COMMD10: variants seen among roughly 807,000 people sequenced by gnomAD.
COMMD10 encodes COMM domain-containing protein 10.
In COMMD10, 33 loss-of-function variants were observed where a neutral mutation model predicts 28.9. That is an observed-to-expected ratio of 1.14 (90% confidence interval 0.87 to 1.53). The LOEUF (loss-of-function observed/expected upper bound fraction) is 1.53. COMMD10 is among the 40% of genes most tolerant of loss of function. The probability of loss-of-function intolerance (pLI) is 0.00; values close to 1 mark genes in which losing one functional copy is unlikely to be tolerated. For synonymous variants in COMMD10, 110 were observed against 81.7 expected (o/e 1.35, Z -1.87); for missense variants, 310 against 233.4 (o/e 1.33, Z -2.14).
intron 5 of COMMD10, among the ~76,000 whole-genome samples, chr5:116,205,503 A>G (rs1318889710): frequency 6.6e-6 from 1 of 152,026 alleles, no homozygotes; most frequent in Non-Finnish European, 1.5e-5. Context: ...CAGTTACGGG[A>G]TTTATTGAAA....
At chr5:116,096,335 CT>C (rs556437193) in intron 4 of COMMD10, among the ~76,000 whole-genome samples, 128 of 140,110 alleles carry the variant, frequency 9.1e-4, no homozygotes, top group East Asian at 1.2e-3. Flanking sequence ...CTTTTTCTTT[CT>C]TTTTTTTTTT....
intron 3 of COMMD10, among the ~76,000 whole-genome samples, chr5:116,092,207 A>G (rs1750320041): frequency 6.6e-6 from 1 of 152,226 alleles, no homozygotes; most frequent in African/African-American, 2.4e-5. Flanking sequence ...CTTATTTGAA[A>G]TTATTAAGTG....
chr5:116,125,072 A>G (rs1403424568), intron 4 of COMMD10, among the ~76,000 whole-genome samples: 2 of 152,134 alleles, frequency 1.3e-5, no homozygotes, highest in African/African-American at 4.8e-5. Context: ...TAATATTGTT[A>G]TGTGTGAATT....
intron 5 of COMMD10, among the ~76,000 whole-genome samples, chr5:116,166,834 A>C (rs932849650): frequency 1.3e-5 from 2 of 152,128 alleles, no homozygotes; most frequent in African/African-American, 4.8e-5. Context: ...CAAAAACCCC[A>C]TCCGAAGGTC....
At chr5:116,149,818 C>CT (rs1752459511) in intron 5 of COMMD10, among the ~76,000 whole-genome samples, 2 of 144,326 alleles carry the variant, frequency 1.4e-5, no homozygotes, top group African/African-American at 5.0e-5. Context: ...CCTGTTCACT[C>CT]TGATGGTAGT....
chr5:116,202,714 C>A (rs1056546206), intron 5 of COMMD10, among the ~76,000 whole-genome samples: 258 of 151,552 alleles, frequency 1.7e-3, no homozygotes, highest in African/African-American at 5.9e-3. Flanking sequence ...ATATCCTTTG[C>A]CCACTTTTTG....
At chr5:116,085,307 C>T (rs1438395729) in intron 1 of COMMD10, 4 of 568,838 alleles carry the variant, frequency 7.0e-6, no homozygotes, top group Non-Finnish European at 1.2e-5. Flanking sequence ...ACCTGTGGGG[C>T]TCACAGTGCG....
intron 4 of COMMD10, among the ~76,000 whole-genome samples, chr5:116,096,195 T>G (rs1267141537): frequency 6.6e-6 from 1 of 152,062 alleles, no homozygotes; most frequent in African/African-American, 2.4e-5. Flanking sequence ...ATAACTTTAT[T>G]GAGAAATGAC....
intron 5 of COMMD10, among the ~76,000 whole-genome samples, chr5:116,177,881 T>G (rs888799030): frequency 1.3e-5 from 2 of 152,166 alleles, no homozygotes; most frequent in Admixed American, 6.6e-5. Flanking sequence ...TTTTTCCTTT[T>G]GGAATTTACA....
chr5:116,090,805 T>C (rs1750268649), intron 2 of COMMD10, among the ~76,000 whole-genome samples: 1 of 152,204 alleles, frequency 6.6e-6, no homozygotes, highest in Admixed American at 6.5e-5. Context: ...AGCAGTTCTT[T>C]AGGATAGATG....
chr5:116,128,650 T>C (rs896880211), intron 4 of COMMD10, among the ~76,000 whole-genome samples: 1 of 152,024 alleles, frequency 6.6e-6, no homozygotes, highest in Non-Finnish European at 1.5e-5. Context: ...ATTTTTCATC[T>C]TTGTATAGTA....
At chr5:116,110,931 C>T (rs1307763030) in intron 4 of COMMD10, among the ~76,000 whole-genome samples, 1 of 152,190 alleles carries the variant, frequency 6.6e-6, no homozygotes, top group Non-Finnish European at 1.5e-5. Flanking sequence ...AATCACCTCC[C>T]ATCAGGCCCC....
At chr5:116,210,255 C>G (rs907866306) in intron 5 of COMMD10, among the ~76,000 whole-genome samples, 1 of 152,102 alleles carries the variant, frequency 6.6e-6, no homozygotes, top group Middle Eastern at 3.4e-3. Context: ...TTTGAGGAGA[C>G]AAACCATAGC....
At chr5:116,085,526 A>G (rs780877102) in intron 1 of COMMD10, 2 of 176,848 alleles carry the variant, frequency 1.1e-5, no homozygotes, top group Middle Eastern at 2.3e-3. Flanking sequence ...TTAATAGCCA[A>G]CATGTGTTAA....
chr5:116,088,964 G>A (rs539430516), intron 2 of COMMD10, among the ~76,000 whole-genome samples: 54 of 152,188 alleles, frequency 3.5e-4, no homozygotes, highest in Middle Eastern at 3.4e-3. Flanking sequence ...AGTATAGTTG[G>A]CACTCAGTAA....
intron 4 of COMMD10, among the ~76,000 whole-genome samples, chr5:116,117,768 A>C (rs1322416558): frequency 2.6e-5 from 4 of 152,114 alleles, no homozygotes; most frequent in Non-Finnish European, 5.9e-5. Context: ...ACCTGGCCTG[A>C]TTTTAGTCAT....
At chr5:116,254,269 T>C (rs940229358) in intron 5 of COMMD10, among the ~76,000 whole-genome samples, 7 of 152,164 alleles carry the variant, frequency 4.6e-5, no homozygotes, top group African/African-American at 1.7e-4. Flanking sequence ...CATTAATTTT[T>C]TGAAGGTTTT....
chr5:116,119,703 C>G (rs1054329973), intron 4 of COMMD10, among the ~76,000 whole-genome samples: 1 of 152,020 alleles, frequency 6.6e-6, no homozygotes, highest in Non-Finnish European at 1.5e-5. Flanking sequence ...CCTTAAACTC[C>G]TAGGCTCAAG....
intron 5 of COMMD10, among the ~76,000 whole-genome samples, chr5:116,251,239 T>G (rs1270582112): frequency 2.6e-5 from 4 of 151,346 alleles, no homozygotes; most frequent in Non-Finnish European, 5.9e-5. Flanking sequence ...ACACAGATTT[T>G]TCAAAAATTA....
Sources: gnomAD v4.1 joint callset for allele counts (sites outside exome capture counted in the v4.1 genomes callset) on GRCh38, gnomAD v4.1.1 for gene constraint, MANE v1.5 for transcripts, NCBI Gene and HGNC (gene_info 2026-07-23, HGNC 2026-07-21) for gene names.